Variants in LRRC8D observed in about 807,000 individuals in gnomAD.
LRRC8D encodes the protein leucine rich repeat containing 8 VRAC subunit D, also known as volume-regulated anion channel subunit LRRC8D.
Under a neutral mutation model 55.8 loss-of-function variants are expected in LRRC8D, and 20 were observed. That is an observed-to-expected ratio of 0.36 (90% CI 0.25 to 0.52). LRRC8D has a LOEUF of 0.52. LRRC8D is among the 20% of genes least tolerant of loss of function. LRRC8D has a pLI of 0.93. For synonymous variants in LRRC8D, 352 were observed against 377.0 expected (o/e 0.93, Z 0.77); for missense variants, 651 against 1,030.8 (o/e 0.63, Z 5.05).
intron 2 of LRRC8D, among the ~76,000 whole-genome samples, chr1:89,844,208 A>G (rs1401511952): frequency 1.3e-5 from 2 of 152,142 alleles, no homozygotes; most frequent in Non-Finnish European, 2.9e-5. Context: ...GTGGGAGGGT[A>G]AGGGGTTGGG....
At position 89,935,654 on chromosome 1, in the gene LRRC8D, A is replaced by G. The variant is rs1440500381; in HGVS notation, c.*9A>G. On this transcript the variant is annotated 3_prime_UTR_variant, in exon 3 of 3. Transcript: ENST00000337338. ...TTGCAAATGGGATTTAAACTAAGAT[A>G]ATATATGCACAGTGATGTGCAGGAA... 7 of 1,611,628 alleles carry G rather than the reference A, an allele frequency of 4.3e-6. No homozygotes were observed. Among genetic ancestry groups the G allele is most frequent in the Non-Finnish European group, 5.9e-6 (7 of 1,178,436 alleles).
rs371401818 is a variant in LRRC8D, at chr1:89,933,372, A to G, written c.304A>G (p.Thr102Ala). The change falls in exon 3 of 3, where the codon ACA becomes GCA. Residue 102 changes from threonine to alanine, a missense_variant. Thr to Ala is a moderately conservative substitution (Grantham distance 58, BLOSUM62 0). Around this residue, in one of 5 missense-constraint regions of LRRC8D, gnomAD observed 118 missense variants for 138.0 expected, o/e 0.85. Transcript: ENST00000337338. The surrounding 1 kb of genome is among the most constrained non-coding windows in gnomAD (Gnocchi z 7.0). ...GACAACAAACGACATTTCCTTTGGG[A>G]CATCTGCTGTGACACCTGACATACC... The part of the protein sequence containing the change: ...GRTTNDISFG[T>A]SAVTPDIPLR... The G allele has an allele frequency of 1.2e-6, 2 of 1,614,156 alleles. No individual in the cohort carries two copies. The highest frequency in any genetic ancestry group is 4.5e-5 in the East Asian group (2 of 44,876).
intron 2 of LRRC8D, among the ~76,000 whole-genome samples, chr1:89,879,059 T>C (rs1394739423): frequency 6.6e-6 from 1 of 152,188 alleles, no homozygotes; most frequent in Non-Finnish European, 1.5e-5. Flanking sequence ...AGCCCCTATT[T>C]TTCTGTGCAC....
At chr1:89,838,124 C>T (rs1021090704) in intron 1 of LRRC8D, among the ~76,000 whole-genome samples, 39 of 150,900 alleles carry the variant, frequency 2.6e-4, no homozygotes, top group African/African-American at 8.8e-4. Flanking sequence ...CTTTGGGAGA[C>T]CGAGGTGGGT....
intron 1 of LRRC8D, among the ~76,000 whole-genome samples, chr1:89,830,499 C>T (rs1660861634): frequency 6.6e-6 from 1 of 152,144 alleles, no homozygotes; most frequent in South Asian, 2.1e-4. Context: ...GAAATTAGAT[C>T]TGTAATTTCT....
At chr1:89,881,093 C>G (rs905131248) in intron 2 of LRRC8D, among the ~76,000 whole-genome samples, 3 of 152,130 alleles carry the variant, frequency 2.0e-5, no homozygotes, top group African/African-American at 7.2e-5. Context: ...CTTAACTATT[C>G]CATTATTAAT....
In LRRC8D at chr1:89,934,510, G is replaced by A. The variant is rs144201536; in HGVS notation, c.1442G>A (p.Gly481Glu). The A allele has an allele frequency of 9.3e-6, 15 of 1,614,020 alleles. No individual in the cohort carries two copies. The highest frequency in any genetic ancestry group is 1.2e-5 in the Non-Finnish European group (14 of 1,180,028). Reference protein sequence around the residue: ...KQELHLFMLSGVPDAVFDLTD... With the variant: ...KQELHLFMLSEVPDAVFDLTD... ...GAGTTGCATCTGTTCATGCTGTCGG[G>A]GGTGCCCGATGCTGTCTTTGACCTC... The change falls in exon 3 of 3, where the codon GGG (glycine) becomes GAG (glutamate). Residue 481 changes from glycine to glutamate, a missense_variant. Gly to Glu is a moderately conservative substitution (Grantham distance 98). Transcript: ENST00000337338. The surrounding 1 kb of genome is among the most constrained non-coding windows in gnomAD (Gnocchi z 5.9).
Position 89,933,508 on chromosome 1 carries a change from T to G in LRRC8D, c.440T>G (p.Val147Gly), listed in dbSNP as rs1224191686. 6.2e-7 allele frequency: 1 copy of G among 1,614,168 alleles called. No homozygotes were observed. ...RKTNLDFQQYVFINQMCYHLA... is the reference protein window; with the variant it reads ...RKTNLDFQQYGFINQMCYHLA... ...ACAAACTTGGATTTTCAGCAATATGTATTTATTAATCAAATGTGTTACCAT... is the reference window on the plus strand; with the variant it reads ...ACAAACTTGGATTTTCAGCAATATGGATTTATTAATCAAATGTGTTACCAT... Residue 147 changes from valine to glycine, a missense_variant, in exon 3 of 3, where the codon GTA (valine) becomes GGA (glycine). By Grantham distance (109) the Val-to-Gly change is moderately radical. This residue lies in a region of LRRC8D where 178 missense variants were observed against 374.9 expected (regional missense o/e 0.47). Coordinates refer to ENST00000337338, the MANE Select transcript of LRRC8D (RefSeq NM_001134479.2). The surrounding 1 kb of genome is among the most constrained non-coding windows in gnomAD (Gnocchi z 7.0).
chr1:89,840,244 A>G (rs1661100597), intron 1 of LRRC8D, among the ~76,000 whole-genome samples: 1 of 149,744 alleles, frequency 6.7e-6, no homozygotes, highest in Non-Finnish European at 1.5e-5. Flanking sequence ...CACACACACA[A>G]AAGCATAACA....
At position 89,935,568 on chromosome 1, in the gene LRRC8D, C is replaced by G; in HGVS notation, c.2500C>G (p.Leu834Val). ...AAGCGGGCTTGTTGTGGAAGATCAC[C>G]TTTTTGATACCCTGCCACTCGAAGT... is the stretch of plus-strand genomic sequence containing the variant. ...KKSGLVVEDH[L>V]FDTLPLEVKE... is the part of the protein sequence containing the mutation. The change falls in exon 3 of 3, where the codon CTT (leucine) becomes GTT (valine). Residue 834 changes from leucine to valine, a missense_variant. Leu to Val is a conservative substitution (Grantham distance 32). Around this residue, in one of 5 missense-constraint regions of LRRC8D, gnomAD observed 338 missense variants for 479.4 expected, o/e 0.71. Transcript: ENST00000337338. The G allele has an allele frequency of 6.2e-7, 1 of 1,614,094 alleles. No individual in the cohort carries two copies. The highest frequency in any genetic ancestry group is 1.1e-5 in the South Asian group (1 of 91,082).
At chr1:89,853,122 C>T (rs1392285822) in intron 2 of LRRC8D, among the ~76,000 whole-genome samples, 1 of 151,848 alleles carries the variant, frequency 6.6e-6, no homozygotes, top group South Asian at 2.1e-4. Flanking sequence ...AAAGGAAAGG[C>T]GAGACTGGAT....
At position 89,935,410 on chromosome 1, in the gene LRRC8D, A is replaced by T. The variant is rs745757408; in HGVS notation, c.2342A>T (p.Asn781Ile). 1 of 1,614,244 alleles carries T rather than the reference A, an allele frequency of 6.2e-7. No individual in the cohort carries two copies. The highest frequency in any genetic ancestry group is 1.1e-5 in the South Asian group (1 of 91,088). ...AAATGCATAAAGTTGAGGACTTTGAATCTGGGACAGAACTGCATCACCTCA... is the reference window on the plus strand; with the variant it reads ...AAATGCATAAAGTTGAGGACTTTGATTCTGGGACAGAACTGCATCACCTCA... The part of the protein sequence containing the change: ...LFKCIKLRTL[N>I]LGQNCITSLP... The change falls in exon 3 of 3, where the codon AAT becomes ATT. Residue 781 changes from asparagine to isoleucine, a missense_variant. Asn to Ile is a moderately radical substitution (Grantham distance 149). This residue lies in a region of LRRC8D where 338 missense variants were observed against 479.4 expected (regional missense o/e 0.71). Coordinates refer to ENST00000337338, the MANE Select transcript of LRRC8D (RefSeq NM_001134479.2).
intron 2 of LRRC8D, among the ~76,000 whole-genome samples, chr1:89,916,598 G>A (rs1301002387): frequency 1.3e-5 from 2 of 152,164 alleles, no homozygotes; most frequent in Admixed American, 1.3e-4. Context: ...ACGCTTTAAT[G>A]AGATTGAGAT....
At chr1:89,828,958 G>A (rs556397360) in intron 1 of LRRC8D, among the ~76,000 whole-genome samples, 160 of 152,254 alleles carry the variant, frequency 1.1e-3, no homozygotes, top group Middle Eastern at 6.8e-3. Flanking sequence ...GTCATTGGCC[G>A]CCAGAAAGCT....
At chr1:89,894,043 A>G (rs1662644798) in intron 2 of LRRC8D, among the ~76,000 whole-genome samples, 1 of 152,222 alleles carries the variant, frequency 6.6e-6, no homozygotes, top group Non-Finnish European at 1.5e-5. Context: ...ATTAGGAGGT[A>G]GGGCCTTTGG....
chr1:89,935,772 T>G lies in LRRC8D; in HGVS notation c.*127T>G. On this transcript the variant is annotated 3_prime_UTR_variant, in exon 3 of 3. Coordinates refer to ENST00000337338, the MANE Select transcript of LRRC8D (RefSeq NM_001134479.2). ...ATCTTTTAAAATAAAACAGAGAGGA[T>G]GCATAGAAGGCTGATAGAAGACATA... 1 of 777,552 alleles carries G rather than the reference T, an allele frequency of 1.3e-6. No individual in the cohort carries two copies. The highest frequency in any genetic ancestry group is 2.1e-6 in the Non-Finnish European group (1 of 483,392). 48.2% of individuals were successfully genotyped at this position (777,552 alleles called of 1,614,324 possible). A position where few individuals can be genotyped will look rare whatever the true frequency, so the allele number is the denominator to read the frequency against.
chr1:89,868,490 A>G (rs564643766), intron 2 of LRRC8D, among the ~76,000 whole-genome samples: 2 of 152,258 alleles, frequency 1.3e-5, no homozygotes, highest in African/African-American at 4.8e-5. Flanking sequence ...CATGACACGA[A>G]TGAGGTTTAT....
chr1:89,885,497 T>G (rs1174609833), intron 2 of LRRC8D, among the ~76,000 whole-genome samples: 2 of 152,218 alleles, frequency 1.3e-5, no homozygotes, highest in Non-Finnish European at 2.9e-5. Context: ...AGTGTTAGAA[T>G]GCATTAACTT....
At chr1:89,917,968 G>A (rs1208348833) in intron 2 of LRRC8D, among the ~76,000 whole-genome samples, 2 of 152,142 alleles carry the variant, frequency 1.3e-5, no homozygotes, top group African/African-American at 4.8e-5. Flanking sequence ...CACTGTGTGA[G>A]AGAGGAAATA....
Sources: allele counts gnomAD v4.1 joint callset (sites outside exome capture counted in the v4.1 genomes callset), GRCh38; gene constraint gnomAD v4.1.1; regional missense constraint gnomAD v4.1.1; non-coding constraint Gnocchi (gnomAD v3.1); transcripts MANE v1.5; gene names NCBI Gene and HGNC (gene_info 2026-07-23, HGNC 2026-07-21).